The following MALRD1 variants were observed in gnomAD, a reference collection of about 807,000 sequenced individuals.
MALRD1 encodes MAM and LDL-receptor class A domain-containing protein 1.
Under a neutral mutation model 242.1 loss-of-function variants are expected in MALRD1, and 247 were observed. The ratio of observed to expected loss-of-function variants is 1.02; its 90% CI spans 0.92 to 1.13. The LOEUF is 1.13. MALRD1 is among the 50% of genes most tolerant of loss of function. The pLI is 0.00. For synonymous variants in MALRD1, 995 were observed against 866.6 expected, an observed-to-expected ratio of 1.15 and a Z score of -2.60; for missense variants, 2,989 against 2,533.1, an observed-to-expected ratio of 1.18 and a Z score of -3.86.
intron 16 of MALRD1, 64 bp downstream of exon 16, chr10:19,204,477 G>A: frequency 9.3e-7 from 1 of 1,076,928 alleles, no homozygotes; most frequent in East Asian, 2.6e-5. Flanking sequence ...AGTGTTTGCA[G>A]GCATACCTCT....
chr10:19,716,668 C>T (rs188028364), intron 38 of MALRD1: 3 of 152,268 alleles, frequency 2.0e-5, no homozygotes, highest in African/African-American at 7.2e-5. Flanking sequence ...TTCTTTTACA[C>T]CAAAGCTTTA....
At chr10:19,592,771 A>G (rs1219200109) in intron 33 of MALRD1, among the ~76,000 whole-genome samples, 205 of 150,208 alleles carry the variant, frequency 1.4e-3, no homozygotes, top group African/African-American at 4.5e-3. Flanking sequence ...ACGCACGCAC[A>G]CACACACACA....
intron 28 of MALRD1, among the ~76,000 whole-genome samples, chr10:19,415,252 G>T (rs927974578): frequency 7.2e-5 from 11 of 151,982 alleles, no homozygotes; most frequent in African/African-American, 2.7e-4. Context: ...CCATACAAAG[G>T]ATTTATTTAT....
At chr10:19,054,376 A>G (rs913554222) in intron 1 of MALRD1, among the ~76,000 whole-genome samples, 2 of 152,154 alleles carry the variant, frequency 1.3e-5, no homozygotes, top group Admixed American at 1.3e-4. Flanking sequence ...TTGGAAATCC[A>G]TTTGCAAGTC....
At chr10:19,588,351 G>C (rs1837558587) in intron 33 of MALRD1, among the ~76,000 whole-genome samples, 1 of 152,098 alleles carries the variant, frequency 6.6e-6, no homozygotes, top group Non-Finnish European at 1.5e-5. Flanking sequence ...AATATTGATT[G>C]AACACACATC....
intron 36 of MALRD1, among the ~76,000 whole-genome samples, chr10:19,681,850 G>A (rs546174956): frequency 7.6e-6 from 1 of 131,608 alleles, no homozygotes; most frequent in Admixed American, 9.3e-5. Flanking sequence ...TTTTGTGGGG[G>A]AATGTCACTT....
chr10:19,444,431 TTG>T (rs1491013005), intron 28 of MALRD1, among the ~76,000 whole-genome samples: 1 of 152,218 alleles, frequency 6.6e-6, no homozygotes, highest in African/African-American at 2.4e-5. Flanking sequence ...TGGCATGTTT[TTG>T]CAGTGCCTGG....
At chr10:19,141,189 C>A (rs1833527794) in intron 10 of MALRD1, among the ~76,000 whole-genome samples, 1 of 152,090 alleles carries the variant, frequency 6.6e-6, no homozygotes, top group Non-Finnish European at 1.5e-5. Context: ...CGTTGGATCC[C>A]TGAACAGTTT....
chr10:19,331,613 T>A, intron 24 of MALRD1, 31 bp downstream of exon 24: 1 of 1,516,010 alleles, frequency 6.6e-7, no homozygotes, highest in Non-Finnish European at 9.0e-7. Context: ...TTCTTACTTT[T>A]GCCTTCAACT....
chr10:19,579,916 T>G (rs780641187), intron 33 of MALRD1, among the ~76,000 whole-genome samples: 1 of 152,206 alleles, frequency 6.6e-6, no homozygotes, highest in Non-Finnish European at 1.5e-5. Context: ...AAATAAACTT[T>G]GCAGTCAATA....
At chr10:19,264,253 G>A (rs1839881701) in intron 19 of MALRD1, among the ~76,000 whole-genome samples, 1 of 151,816 alleles carries the variant, frequency 6.6e-6, no homozygotes, top group Non-Finnish European at 1.5e-5. Context: ...TTCATATGTT[G>A]AACCACCTTT....
At chr10:19,419,526 G>A (rs1833640280) in intron 28 of MALRD1, among the ~76,000 whole-genome samples, 1 of 151,960 alleles carries the variant, frequency 6.6e-6, no homozygotes, top group African/African-American at 2.4e-5. Flanking sequence ...AGAGTAGTTG[G>A]CCAGGCTGGT....
chr10:19,207,204 A>G (rs573768785), intron 17 of MALRD1, among the ~76,000 whole-genome samples: 1 of 152,330 alleles, frequency 6.6e-6, no homozygotes, highest in South Asian at 2.1e-4. Flanking sequence ...TAACATGTAA[A>G]TGAAGCTAAA....
At chr10:19,628,360 C>T (rs1409746) in intron 36 of MALRD1, among the ~76,000 whole-genome samples, 143,593 of 152,238 alleles carry the variant, frequency 0.94, 67,770 homozygotes, top group East Asian at 0.99. Context: ...AACATATTGG[C>T]CTCAGCATTT....
At chr10:19,116,377 T>A (rs1471634252) in intron 5 of MALRD1, among the ~76,000 whole-genome samples, 1 of 152,226 alleles carries the variant, frequency 6.6e-6, no homozygotes, top group Non-Finnish European at 1.5e-5. Flanking sequence ...AGAATCTGAA[T>A]GATGCATATA....
chr10:19,566,565 C>A (rs188549018), intron 32 of MALRD1, among the ~76,000 whole-genome samples: 29 of 151,264 alleles, frequency 1.9e-4, no homozygotes, highest in African/African-American at 5.6e-4. Context: ...AAATTAATAT[C>A]CATGTGTTTT....
intron 24 of MALRD1, among the ~76,000 whole-genome samples, chr10:19,346,735 C>T (rs1040132566): frequency 1.1e-4 from 16 of 152,146 alleles, no homozygotes; most frequent in Non-Finnish European, 2.1e-4. Context: ...ACTGCACCCT[C>T]TACCTCCTGG....
chr10:19,209,728 T>C, intron 18 of MALRD1, 48 bp downstream of exon 18: 1 of 1,449,524 alleles, frequency 6.9e-7, no homozygotes, highest in Middle Eastern at 1.8e-4. Flanking sequence ...CATCTGAATG[T>C]CTAAGGAATA....
intron 1 of MALRD1, among the ~76,000 whole-genome samples, chr10:19,065,219 A>G (rs1210543916): frequency 1.5e-5 from 2 of 137,766 alleles, no homozygotes; most frequent in African/African-American, 2.7e-5. Flanking sequence ...CCCAGAAGGC[A>G]GAGGTTGTGG....
Sources: gnomAD v4.1 joint callset for allele counts (sites outside exome capture counted in the v4.1 genomes callset) on GRCh38, gnomAD v4.1.1 for gene constraint, MANE v1.5 for transcripts, NCBI Gene and HGNC (gene_info 2026-07-23, HGNC 2026-07-21) for gene names.